ABCC4: variants seen among roughly 807,000 people sequenced by gnomAD.
The protein encoded by ABCC4 is ATP binding cassette subfamily C member 4 (PEL blood group).
Under a neutral mutation model 168.5 loss-of-function variants are expected in ABCC4, and 102 were observed. The ratio of observed to expected loss-of-function variants is 0.61; its 90% CI spans 0.52 to 0.71. ABCC4 has a LOEUF of 0.71. ABCC4 is among the 30% of genes least tolerant of loss of function. The probability of loss-of-function intolerance (pLI) is 0.00; values close to 1 mark genes in which losing one functional copy is unlikely to be tolerated. For synonymous variants in ABCC4, 617 were observed against 590.7 expected, an observed-to-expected ratio of 1.04 and a Z score of -0.65; for missense variants, 1,402 against 1,605.8, an observed-to-expected ratio of 0.87 and a Z score of 2.17.
At chr13:95,076,552 C>T (rs2033914862) in intron 21 of ABCC4, among the ~76,000 whole-genome samples, 1 of 150,642 alleles carries the variant, frequency 6.6e-6, no homozygotes, top group South Asian at 2.1e-4. Flanking sequence ...CTGCCCCGAC[C>T]TGCCCCCGTT....
At position 95,099,024 on chromosome 13, in the gene ABCC4, C is replaced by T. The variant is rs1001434540; in HGVS notation, c.2536-15734G>A. 4.6e-5 allele frequency among the ~76,000 whole-genome samples: 7 copies of T among 152,280 alleles called. No homozygotes were observed. In the South Asian group the frequency reaches 1.0e-3, roughly 23 times the overall value. ...CGAACCCAGCAATTCCACTCCTATG[C>T]ATTTTATCTGAGATGAATGAAAACA... On this transcript the variant is annotated intron_variant, in intron 20 of 30. Coordinates refer to ENST00000645237, the MANE Select transcript of ABCC4 (RefSeq NM_005845.5).
intron 19 of ABCC4, among the ~76,000 whole-genome samples, chr13:95,145,555 TGGA>T (rs2036464118): frequency 1.5e-5 from 2 of 131,520 alleles, no homozygotes; most frequent in South Asian, 4.9e-4. Context: ...CTCCGGGAGG[TGGA>T]GGTTACAGTG....
At position 95,190,492 on chromosome 13, in the gene ABCC4, G is replaced by A. The variant is rs137935697; in HGVS notation, c.1264-1950C>T. 3.4e-3 allele frequency among the ~76,000 whole-genome samples: 524 copies of A among 152,262 alleles called. 6 individuals carry two copies. Among genetic ancestry groups the A allele is most frequent in the East Asian group, 0.014 (74 of 5,190 alleles). ...AGCATGATAGGGATAGTTTACCAGA[G>A]CATGATAAACCAAAATGAGGAGGTT... is the stretch of plus-strand genomic sequence containing the variant. On this transcript the variant is annotated intron_variant, in intron 9 of 30. Coordinates refer to ENST00000645237, the MANE Select transcript of ABCC4 (RefSeq NM_005845.5).
chr13:95,158,928 T>A (rs2036972607), intron 19 of ABCC4, among the ~76,000 whole-genome samples: 1 of 150,970 alleles, frequency 6.6e-6, no homozygotes, highest in African/African-American at 2.4e-5. Context: ...AAATAAATTT[T>A]AAAAATTAGC....
chr13:95,042,127 C>T (rs1394356101), intron 29 of ABCC4, among the ~76,000 whole-genome samples: 1 of 152,062 alleles, frequency 6.6e-6, no homozygotes, highest in Non-Finnish European at 1.5e-5. Flanking sequence ...TGTTGAAATG[C>T]AAGGTCATCT....
chr13:95,153,159 T>C (rs1031481807), intron 19 of ABCC4, among the ~76,000 whole-genome samples: 2 of 152,228 alleles, frequency 1.3e-5, no homozygotes, highest in East Asian at 3.8e-4. Context: ...TGAAGATACT[T>C]TGATTCTTTT....
intron 3 of ABCC4, among the ~76,000 whole-genome samples, chr13:95,246,176 T>C (rs568515930): frequency 6.6e-6 from 1 of 152,292 alleles, no homozygotes; most frequent in African/African-American, 2.4e-5. Flanking sequence ...CTGGCTGTCT[T>C]TGATTTTTCA....
At position 95,207,900 on chromosome 13, in the gene ABCC4, C is replaced by A. The variant is rs1224377001; in HGVS notation, c.811G>T (p.Ala271Ser). The change falls in exon 7 of 31, where the codon GCC becomes TCC. Residue 271 changes from alanine (A) to serine (S), a missense_variant. By Grantham distance (99) the Ala-to-Ser change is moderately conservative (BLOSUM62 1). Coordinates refer to ENST00000645237, the MANE Select transcript of ABCC4 (RefSeq NM_005845.5). ...LRSKTATFTD[A>S]RIRTMNEVIT... Reference sequence around the variant, plus strand: ...ACTTCATTCATGGTCCTGATCCTGGCATCCGTGAAAGTTGCAGTTTTACTC... The same window carrying A: ...ACTTCATTCATGGTCCTGATCCTGGAATCCGTGAAAGTTGCAGTTTTACTC... 2 of 1,613,842 alleles carry A rather than the reference C, an allele frequency of 1.2e-6. No homozygotes were observed. Among genetic ancestry groups the A allele is most frequent in the Admixed American group, 3.3e-5 (2 of 59,886 alleles).
At chr13:95,116,056 GAAAC>G in intron 19 of ABCC4, 55 bp from the exon 20 acceptor site, 1 of 1,288,676 alleles carries the variant, frequency 7.8e-7, no homozygotes, top group African/African-American at 1.5e-5. Flanking sequence ...CCCTTTAAGA[GAAAC>G]AATTCGCAAA....
chr13:95,225,975 AAAAAAAAAAG>A (rs1460251741), intron 4 of ABCC4, among the ~76,000 whole-genome samples: 1 of 148,268 alleles, frequency 6.7e-6, no homozygotes, highest in Non-Finnish European at 1.5e-5. Flanking sequence ...ACTTAAAAAA[AAAAAAAAAAG>A]AAAAAGAAAT....
intron 21 of ABCC4, among the ~76,000 whole-genome samples, chr13:95,082,084 C>T (rs1023722660): frequency 1.3e-5 from 2 of 152,124 alleles, no homozygotes; most frequent in African/African-American, 2.4e-5. Context: ...TCCTAATAAA[C>T]TTCTATTTAC....
At chr13:95,174,825 A>C (rs76155950) in intron 13 of ABCC4, among the ~76,000 whole-genome samples, 1 of 152,348 alleles carries the variant, frequency 6.6e-6, no homozygotes, top group South Asian at 2.1e-4. Flanking sequence ...GCAGGAAACG[A>C]GGCTCTGATC....
intron 26 of ABCC4, among the ~76,000 whole-genome samples, chr13:95,060,816 T>A (rs1594028779): frequency 6.6e-6 from 1 of 152,214 alleles, no homozygotes; most frequent in African/African-American, 2.4e-5. Flanking sequence ...ATTCACACTG[T>A]TTTGCAGCCA....
chr13:95,291,118 C>T (rs1263336010), intron 1 of ABCC4, among the ~76,000 whole-genome samples: 2 of 151,960 alleles, frequency 1.3e-5, no homozygotes, highest in African/African-American at 2.4e-5. Flanking sequence ...TTTTGGGAGG[C>T]CAAGGCAGGT....
intron 25 of ABCC4, among the ~76,000 whole-genome samples, chr13:95,071,103 A>G (rs1361626240): frequency 6.6e-6 from 1 of 152,098 alleles, no homozygotes; most frequent in Non-Finnish European, 1.5e-5. Flanking sequence ...GCTGCCATCC[A>G]TATAAGATGT....
In ABCC4 at chr13:95,075,500, G is replaced by T. The variant is rs2033866736; in HGVS notation, c.2738C>A (p.Thr913Asn). Residue 913 changes from threonine (T) to asparagine (N), a missense_variant, in exon 22 of 31, where the codon ACC becomes AAC. Around this residue, in one of 3 missense-constraint regions of ABCC4, gnomAD observed 1,007 missense variants for 1,127.3 expected, o/e 0.89. Transcript: ENST00000645237. ...CTCTTCTGCTTTGTATGCCCGGATG[G>T]TCCAGAGCCCCTGGAGAGAAGATGA... ...HLSSSLQGLW[T>N]IRAYKAEERC... 1 of 1,614,108 alleles carries T rather than the reference G, an allele frequency of 6.2e-7. No individual in the cohort carries two copies.
rs2031031041 is a variant in ABCC4 at position 95,020,548 on chromosome 13, G to A, written c.*1027C>T. On this transcript the variant is annotated 3_prime_UTR_variant, in exon 31 of 31. Coordinates refer to ENST00000645237, the MANE Select transcript of ABCC4 (RefSeq NM_005845.5). ...AGTAAACTAACCTGGACAGGCTCAT[G>A]AAAATGAACCCCTGGATGCATCCTG... 2 of 152,432 alleles carry A rather than the reference G, an allele frequency of 1.3e-5. No individual in the cohort carries two copies. Among genetic ancestry groups the A allele is most frequent in the Non-Finnish European group, 2.9e-5 (2 of 68,020 alleles). The allele number at this position is 152,432 out of a possible 1,614,324, so 9.4% of individuals were successfully genotyped here.
At chr13:95,096,275 T>C (rs1566412817) in intron 20 of ABCC4, 5 of 455,616 alleles carry the variant, frequency 1.1e-5, no homozygotes, top group Non-Finnish European at 1.9e-5. Flanking sequence ...ATACAAATTA[T>C]CCAAATGAAA....
chr13:95,159,129 A>ATATG (rs2036995297), intron 19 of ABCC4, among the ~76,000 whole-genome samples: 1 of 129,532 alleles, frequency 7.7e-6, no homozygotes, highest in African/African-American at 3.0e-5. Context: ...ATATATATAT[A>ATATG]TATAACTATT....
Sources: gnomAD v4.1 joint callset for allele counts (sites outside exome capture counted in the v4.1 genomes callset) on GRCh38, gnomAD v4.1.1 for gene constraint, gnomAD v4.1.1 regional missense constraint, MANE v1.5 for transcripts, NCBI Gene and HGNC (gene_info 2026-07-23, HGNC 2026-07-21) for gene names.